Variants in ATP2C2 observed in about 807,000 individuals in gnomAD.
ATP2C2 encodes the protein calcium-transporting ATPase type 2C member 2.
A neutral mutation model predicts 110.8 loss-of-function variants in ATP2C2; 171 were observed. The observed-to-expected ratio is 1.54, with a 90% CI of 1.36 to 1.75. The LOEUF (loss-of-function observed/expected upper bound fraction) is 1.75. ATP2C2 is among the 40% of genes most tolerant of loss of function. The pLI, the probability that ATP2C2 is intolerant of heterozygous loss-of-function variation, is 0.00. For missense variants in ATP2C2, 1,963 were observed against 1,235.0 expected (o/e 1.59, Z -8.84); for synonymous variants, 804 against 508.4 (o/e 1.58, Z -7.82).
Position 84,453,486 on chromosome 16 carries a change from T to C in ATP2C2, c.1980+115T>C, listed in dbSNP as rs1044501436. On this transcript the variant is annotated intron_variant, in intron 20 of 26. Transcript: ENST00000262429. ...AGTGCAGGGCCCGACCGTGGCTTCC[T>C]TCTCTAGGTCCAGGGCAGCTGCCCC... 35 of 1,387,214 alleles carry C rather than the reference T, an allele frequency of 2.5e-5. No individual in the cohort carries two copies. In the African/African-American group the frequency reaches 4.8e-4, roughly 19 times the overall value. 85.9% of individuals were successfully genotyped at this position (1,387,214 alleles called of 1,614,324 possible).
At chr16:84,389,888 C>CT (rs772441042) in intron 1 of ATP2C2, among the ~76,000 whole-genome samples, 2 of 151,958 alleles carry the variant, frequency 1.3e-5, no homozygotes, top group Non-Finnish European at 2.9e-5. Flanking sequence ...GTTTGGCTAA[C>CT]TTTTTTGTAT....
intron 2 of ATP2C2, among the ~76,000 whole-genome samples, chr16:84,401,046 T>C (rs946005456): frequency 1.4e-4 from 22 of 152,286 alleles, no homozygotes; most frequent in African/African-American, 5.3e-4. Flanking sequence ...ATGATTTCCT[T>C]TGCTGTGCAG....
At position 84,454,883 on chromosome 16, in the gene ATP2C2, G is replaced by A; in HGVS notation, c.2046G>A (p.Leu682=). The change falls in exon 21 of 27, where the codon CTG becomes CTA. Residue 682 remains leucine (L), a synonymous_variant. Transcript: ENST00000262429. ...TGDGVNDAVA[L]KSADIGIAMG... is the part of the protein sequence containing the mutation. ...ATGGGGTGAACGACGCAGTGGCCCT[G>A]AAGTCTGCAGACATTGGGATCGCCA... The A allele has an allele frequency of 6.2e-7, 1 of 1,614,066 alleles. No homozygotes were observed. The highest frequency in any genetic ancestry group is 8.5e-7 in the Non-Finnish European group (1 of 1,179,964).
In ATP2C2 at chr16:84,463,770, A is replaced by ATCTGGTTGT; in HGVS notation, c.*39_*47dup. 6.4e-7 allele frequency: 1 copy of ATCTGGTTGT among 1,554,464 alleles called. No homozygotes were observed. The highest frequency in any genetic ancestry group is 2.2e-5 in the East Asian group (1 of 44,538). On this transcript the variant is annotated 3_prime_UTR_variant, in exon 27 of 27. Coordinates refer to ENST00000262429, the MANE Select transcript of ATP2C2 (RefSeq NM_014861.4). ...CGCGGCACCTTCCCTAATCATCTCG[A>ATCTGGTTGT]TCTGGTTGTGACTGTGGCCCCTGCC...
rs767731661 is a variant in ATP2C2, at chr16:84,410,604, G to C, written c.453+1G>C. On this transcript the variant is annotated splice_donor_variant, in intron 5 of 26. Coordinates refer to ENST00000262429, the MANE Select transcript of ATP2C2 (RefSeq NM_014861.4). LOFTEE classifies it high-confidence loss of function. ...CGTGGTCACTGTCGCCTTCATCCAGGTGAGTATTTCCTGAGGTCCCAGTCA... is the reference window on the plus strand; with the variant it reads ...CGTGGTCACTGTCGCCTTCATCCAGCTGAGTATTTCCTGAGGTCCCAGTCA... The C allele has an allele frequency of 6.2e-7, 1 of 1,614,140 alleles. No individual in the cohort carries two copies. Among genetic ancestry groups the C allele is most frequent in the South Asian group, 1.1e-5 (1 of 91,072 alleles).
intron 11 of ATP2C2, among the ~76,000 whole-genome samples, chr16:84,437,395 T>C (rs980321780): frequency 3.3e-5 from 5 of 151,764 alleles, no homozygotes; most frequent in Admixed American, 1.3e-4. Context: ...ATTTTTTTTT[T>C]TGTAGAAATA....
intron 3 of ATP2C2, 107 bp from the exon 4 acceptor site, chr16:84,408,298 C>T (rs1431352719): frequency 9.5e-7 from 1 of 1,047,562 alleles, no homozygotes; most frequent in Non-Finnish European, 1.5e-6. Context: ...GACCTGGAAG[C>T]CTGGCCCTGA....
intron 7 of ATP2C2, among the ~76,000 whole-genome samples, chr16:84,419,208 T>TTAAA (rs1186522596): frequency 3.4e-4 from 16 of 47,494 alleles, no homozygotes; most frequent in African/African-American, 1.2e-3. Context: ...ACCCCATCTT[T>TTAAA]AAAAAAAAAA....
chr16:84,421,964 G>A (rs1445589542), intron 7 of ATP2C2, among the ~76,000 whole-genome samples: 1 of 152,106 alleles, frequency 6.6e-6, no homozygotes, highest in Non-Finnish European at 1.5e-5. Context: ...TGTTTCTGGT[G>A]TTACTGTTGC....
At chr16:84,375,827 C>G (rs191518645) in intron 1 of ATP2C2, among the ~76,000 whole-genome samples, 14 of 152,188 alleles carry the variant, frequency 9.2e-5, no homozygotes, top group African/African-American at 2.2e-4. Context: ...AAATTTCCAG[C>G]CACAAATATG....
chr16:84,397,976 C>T (rs754944431), intron 1 of ATP2C2, among the ~76,000 whole-genome samples: 19 of 151,782 alleles, frequency 1.3e-4, no homozygotes, highest in Non-Finnish European at 2.8e-4. Flanking sequence ...AGTTACCCCT[C>T]AGGTAGGTAG....
intron 17 of ATP2C2, among the ~76,000 whole-genome samples, chr16:84,449,357 G>C (rs561359510): frequency 2.6e-5 from 4 of 152,218 alleles, no homozygotes; most frequent in African/African-American, 9.6e-5. Flanking sequence ...TGAAGCCAGC[G>C]CCGAGCACGT....
In ATP2C2 at chr16:84,425,942, C is replaced by G. The variant is rs1207231337; in HGVS notation, c.986+141C>G. On this transcript the variant is annotated intron_variant, in intron 11 of 26. Transcript: ENST00000262429. ...GCCCCGTCACCCAAACTCCAGCCTC[C>G]CAATAGCATGTTCTCCGACAGGTAC... 1.0e-5 allele frequency: 10 copies of G among 988,242 alleles called. 1 individual carries two copies. The highest frequency in any genetic ancestry group is 1.6e-5 in the Non-Finnish European group (10 of 630,640). 61.2% of individuals were successfully genotyped at this position (988,242 alleles called of 1,614,324 possible).
intron 26 of ATP2C2, chr16:84,462,968 A>G (rs1444592922): frequency 6.5e-6 from 1 of 153,758 alleles, no homozygotes; most frequent in African/African-American, 2.4e-5. Flanking sequence ...TCCTCCAAAA[A>G]GCAGTGTCAG....
intron 6 of ATP2C2, among the ~76,000 whole-genome samples, chr16:84,411,524 CT>C (rs1031832106): frequency 2.6e-5 from 4 of 152,208 alleles, no homozygotes; most frequent in African/African-American, 9.6e-5. Flanking sequence ...TCGCTGCAAC[CT>C]CCGCCTCCTG....
chr16:84,436,128 C>G (rs957039214), intron 11 of ATP2C2, among the ~76,000 whole-genome samples: 2 of 152,262 alleles, frequency 1.3e-5, no homozygotes, highest in African/African-American at 4.8e-5. Context: ...GACTCCATCT[C>G]AAACAAACCC....
rs1380785906 is a variant in ATP2C2 at position 84,463,752 on chromosome 16, C to T, written c.*20C>T. The T allele has an allele frequency of 1.9e-6, 3 of 1,584,082 alleles. No individual in the cohort carries two copies. Among genetic ancestry groups the T allele is most frequent in the East Asian group, 4.5e-5 (2 of 44,752 alleles). ...GTGTAGTGGACCGCACTCCGCGGCACCTTCCCTAATCATCTCGATCTGGTT... is the reference window on the plus strand; with the variant it reads ...GTGTAGTGGACCGCACTCCGCGGCATCTTCCCTAATCATCTCGATCTGGTT... On this transcript the variant is annotated 3_prime_UTR_variant, in exon 27 of 27. Transcript: ENST00000262429.
chr16:84,416,661 A>G (rs970893090), intron 7 of ATP2C2, among the ~76,000 whole-genome samples: 1 of 152,144 alleles, frequency 6.6e-6, no homozygotes, highest in African/African-American at 2.4e-5. Flanking sequence ...GGGCAGGGAT[A>G]AGGGTGGGAG....
chr16:84,404,634 T>C, intron 2 of ATP2C2: 1 of 269,760 alleles, frequency 3.7e-6, no homozygotes, highest in Non-Finnish European at 7.2e-6. Context: ...CCTTTTTGCT[T>C]TTGTGAACAG....
Sources: allele counts gnomAD v4.1 joint callset (sites outside exome capture counted in the v4.1 genomes callset), GRCh38; gene constraint gnomAD v4.1.1; transcripts MANE v1.5; gene names NCBI Gene and HGNC (gene_info 2026-07-23, HGNC 2026-07-21).